The following NALF1 variants were observed in gnomAD, a reference collection of about 807,000 sequenced individuals.
NALF1 encodes family with sequence similarity 155 member A.
A neutral mutation model predicts 48.4 loss-of-function variants in NALF1; 3 were observed. That is an observed-to-expected ratio of 0.06 (90% CI 0.03 to 0.16). The LOEUF (loss-of-function observed/expected upper bound fraction) is 0.16. Among genes scored for constraint, NALF1 ranks in the 10% least tolerant of loss-of-function variants. The probability of loss-of-function intolerance (pLI) is 1.00; values close to 1 mark genes in which losing one functional copy is unlikely to be tolerated. For synonymous variants in NALF1, 262 were observed against 245.7 expected (o/e 1.07, Z -0.62); for missense variants, 526 against 571.5 (o/e 0.92, Z 0.81).
intron 1 of NALF1, among the ~76,000 whole-genome samples, chr13:107,858,831 A>C (rs751173013): frequency 1.2e-4 from 18 of 152,216 alleles, no homozygotes; most frequent in Non-Finnish European, 2.5e-4. Flanking sequence ...ATAGTTTCTG[A>C]CATCTAATAA....
At chr13:107,715,186 A>ATTTC (rs1001685840) in intron 1 of NALF1, among the ~76,000 whole-genome samples, 4 of 151,688 alleles carry the variant, frequency 2.6e-5, no homozygotes, top group Non-Finnish European at 5.9e-5. Flanking sequence ...TTTTATAATA[A>ATTTC]TTTCTTTCTT....
chr13:107,352,387 AAC>A (rs1436048442), intron 1 of NALF1, among the ~76,000 whole-genome samples: 4 of 152,284 alleles, frequency 2.6e-5, no homozygotes, highest in African/African-American at 9.6e-5. Context: ...GTTATTTCTC[AAC>A]AGTGTCGTAG....
intron 1 of NALF1, among the ~76,000 whole-genome samples, chr13:107,234,279 C>T (rs934299591): frequency 6.6e-6 from 1 of 152,194 alleles, no homozygotes. Flanking sequence ...GGGCAACTTT[C>T]CCCGGGGCTT....
intron 1 of NALF1, among the ~76,000 whole-genome samples, chr13:107,368,805 T>A (rs999191818): frequency 6.6e-6 from 1 of 152,258 alleles, no homozygotes; most frequent in Non-Finnish European, 1.5e-5. Context: ...GTTCTTGGAA[T>A]TGGCCTGTGG....
At chr13:107,770,663 G>A (rs772473968) in intron 1 of NALF1, among the ~76,000 whole-genome samples, 17 of 152,072 alleles carry the variant, frequency 1.1e-4, no homozygotes, top group Non-Finnish European at 2.4e-4. Context: ...CAAAATGCAG[G>A]GTTTACTAAC....
At chr13:107,253,544 T>C (rs1297922506) in intron 1 of NALF1, among the ~76,000 whole-genome samples, 1 of 152,152 alleles carries the variant, frequency 6.6e-6, no homozygotes, top group African/African-American at 2.4e-5. Context: ...CTCACACTTG[T>C]TTACATGATG....
intron 1 of NALF1, among the ~76,000 whole-genome samples, chr13:107,371,150 G>C (rs1332049961): frequency 7.9e-5 from 12 of 152,162 alleles, no homozygotes; most frequent in Non-Finnish European, 1.8e-4. Flanking sequence ...TCTGAAATAA[G>C]AGTTTTGAGA....
intron 1 of NALF1, among the ~76,000 whole-genome samples, chr13:107,352,775 T>C (rs1882899804): frequency 1.3e-5 from 2 of 152,154 alleles, no homozygotes; most frequent in Admixed American, 6.5e-5. Flanking sequence ...GTTCTTCTAA[T>C]TTTTGTCTTG....
chr13:107,760,590 C>G (rs961623233), intron 1 of NALF1, among the ~76,000 whole-genome samples: 1 of 152,276 alleles, frequency 6.6e-6, no homozygotes, highest in East Asian at 1.9e-4. Flanking sequence ...CACTGAGGCT[C>G]TTTGTAAAAT....
chr13:107,681,736 C>A lies in NALF1; in HGVS notation c.915+183946G>T, dbSNP rs111825076. On this transcript the variant is annotated intron_variant, in intron 1 of 2. Coordinates refer to ENST00000375915, the MANE Select transcript of NALF1 (RefSeq NM_001080396.3). Reference sequence around the variant, plus strand: ...GCAGGTGCCTAGGGGAGGCCATCCTCTCAAGGGAGCCCAAAGGACGGTAAA... The same window carrying A: ...GCAGGTGCCTAGGGGAGGCCATCCTATCAAGGGAGCCCAAAGGACGGTAAA... Among the ~76,000 whole-genome samples, 407 of 152,276 alleles carry A rather than the reference C, an allele frequency of 2.7e-3. 5 individuals are homozygous for A. The highest frequency in any genetic ancestry group is 9.4e-3 in the African/African-American group (390 of 41,558).
chr13:107,628,454 T>G (rs1182670324), intron 1 of NALF1, among the ~76,000 whole-genome samples: 1 of 152,124 alleles, frequency 6.6e-6, no homozygotes, highest in Non-Finnish European at 1.5e-5. Flanking sequence ...CTAATGGATC[T>G]CCTGCTGTTA....
intron 2 of NALF1, among the ~76,000 whole-genome samples, chr13:107,188,400 A>G (rs1879219587): frequency 1.3e-5 from 2 of 152,144 alleles, no homozygotes; most frequent in Non-Finnish European, 2.9e-5. Context: ...AGGTAAAACA[A>G]TAAGAGAGGC....
chr13:107,359,316 C>T (rs973012691), intron 1 of NALF1, among the ~76,000 whole-genome samples: 2 of 152,002 alleles, frequency 1.3e-5, no homozygotes, highest in African/African-American at 4.8e-5. Flanking sequence ...TTTGTGTCTG[C>T]CATGTCTTTT....
intron 1 of NALF1, among the ~76,000 whole-genome samples, chr13:107,543,069 G>C (rs1877038409): frequency 6.6e-6 from 1 of 151,916 alleles, no homozygotes; most frequent in South Asian, 2.1e-4. Flanking sequence ...AGATATATTA[G>C]TTGAAATCAC....
Position 107,749,610 on chromosome 13 carries a change from T to C in NALF1, c.915+116072A>G, listed in dbSNP as rs935280364. Reference sequence around the variant, plus strand: ...ATACTATGTAGTATATATAATATACTATATACTATTTTACATACTACAGTA... The same window carrying C: ...ATACTATGTAGTATATATAATATACCATATACTATTTTACATACTACAGTA... On this transcript the variant is annotated intron_variant, in intron 1 of 2. Transcript: ENST00000375915. Among the ~76,000 whole-genome samples, 19 of 151,934 alleles carry C rather than the reference T, an allele frequency of 1.3e-4. No individual in the cohort carries two copies. In the East Asian group the frequency reaches 3.7e-3, roughly 29 times the overall value.
At chr13:107,267,825 G>A (rs1182806193) in intron 1 of NALF1, among the ~76,000 whole-genome samples, 2 of 152,046 alleles carry the variant, frequency 1.3e-5, no homozygotes, top group African/African-American at 2.4e-5. Flanking sequence ...TCTGATAACC[G>A]CGATGGCTAC....
chr13:107,268,848 G>A lies in NALF1; in HGVS notation c.916-58093C>T, dbSNP rs538028723. On this transcript the variant is annotated intron_variant, in intron 1 of 2. Transcript: ENST00000375915. ...GTAGGGAGAACAACAGGGTAGTCAA[G>A]AGTAACTGAAGGGCCAGATTTTTTA... 2.6e-5 allele frequency among the ~76,000 whole-genome samples: 4 copies of A among 152,300 alleles called. No homozygotes were observed. The South Asian group carries it at 8.3e-4, about 32-fold the overall frequency.
intron 1 of NALF1, among the ~76,000 whole-genome samples, chr13:107,654,956 T>C (rs903700382): frequency 6.6e-6 from 1 of 152,148 alleles, no homozygotes; most frequent in Non-Finnish European, 1.5e-5. Context: ...CATCCCTTAA[T>C]GATTAAAACC....
At chr13:107,758,123 G>C (rs1376381225) in intron 1 of NALF1, among the ~76,000 whole-genome samples, 2 of 152,076 alleles carry the variant, frequency 1.3e-5, no homozygotes, top group Non-Finnish European at 2.9e-5. Flanking sequence ...CTGTTACTGA[G>C]GCAATGCAAG....
Sources: allele counts gnomAD v4.1 joint callset (sites outside exome capture counted in the v4.1 genomes callset), GRCh38; gene constraint gnomAD v4.1.1; transcripts MANE v1.5; gene names NCBI Gene and HGNC (gene_info 2026-07-23, HGNC 2026-07-21).